Variants in ERCC6L2 observed in about 807,000 individuals in gnomAD.
The protein encoded by ERCC6L2 is ERCC excision repair 6 like 2.
In ERCC6L2, 77 loss-of-function variants were observed where a neutral mutation model predicts 132.0. The observed-to-expected ratio is 0.58, with a 90% CI of 0.49 to 0.71. The LOEUF is 0.71. Ranked by LOEUF, ERCC6L2 falls within the 30% of genes least tolerant of loss-of-function variation. The pLI, the probability that ERCC6L2 is intolerant of heterozygous loss-of-function variation, is 0.00. For synonymous variants in ERCC6L2, 583 were observed against 632.4 expected (o/e 0.92, Z 1.17); for missense variants, 1,542 against 1,837.6 (o/e 0.84, Z 2.94).
intron 3 of ERCC6L2, 143 bp from the exon 4 acceptor site, chr9:95,906,935 G>A (rs1829067839): frequency 1.3e-5 from 8 of 636,524 alleles, no homozygotes; most frequent in South Asian, 2.0e-5. Flanking sequence ...TCCAGATATA[G>A]CTAATCACTC....
chr9:95,891,042 G>A lies in ERCC6L2; in HGVS notation c.472-6807G>A, dbSNP rs1028751710. On this transcript the variant is annotated intron_variant, in intron 2 of 18. Coordinates refer to ENST00000653738, the MANE Select transcript of ERCC6L2 (RefSeq NM_020207.7). The stretch of plus-strand genomic sequence containing the variant: ...AGACTGACCAACATGGAGAAACTCT[G>A]TCTCTACTAAAAATACAAAATTAGC... 3.9e-5 allele frequency among the ~76,000 whole-genome samples: 6 copies of A among 152,160 alleles called. No individual in the cohort carries two copies. The East Asian group carries it at 5.8e-4, about 15-fold the overall frequency.
rs765662135 is a variant in ERCC6L2 at position 95,916,220 on chromosome 9, T to C, written c.951-7T>C. The C allele has an allele frequency of 6.2e-7, 1 of 1,613,008 alleles. No homozygotes were observed. Among genetic ancestry groups the C allele is most frequent in the Non-Finnish European group, 8.5e-7 (1 of 1,179,096 alleles). On this transcript the variant is annotated splice_polypyrimidine_tract_variant and splice_region_variant and intron_variant, in intron 5 of 18. Transcript: ENST00000653738. ...GCCCTTACATTTTTCTTATTGTCTT[T>C]ATAAAGGGCTGTGCCAGGCCTTTTA...
intron 13 of ERCC6L2, among the ~76,000 whole-genome samples, chr9:95,963,241 A>G (rs1831996212): frequency 6.6e-6 from 1 of 151,878 alleles, no homozygotes; most frequent in Admixed American, 6.6e-5. Flanking sequence ...ACCCCCAGTT[A>G]GCTTCACTCA....
chr9:95,975,575 G>C (rs1832633894), intron 16 of ERCC6L2, among the ~76,000 whole-genome samples: 1 of 145,002 alleles, frequency 6.9e-6, no homozygotes, highest in East Asian at 2.0e-4. Flanking sequence ...TGGTTATCCT[G>C]GGTCCATATT....
At chr9:96,018,627 A>T (rs1834232261), downstream of ERCC6L2, among the ~76,000 whole-genome samples, 1 of 116,104 alleles carries the variant, frequency 8.6e-6, no homozygotes, top group African/African-American at 3.3e-5. Context: ...TGCCCGGCTA[A>T]TTTTTGCATT....
downstream of ERCC6L2, chr9:96,021,061 C>T (rs576750101): frequency 2.5e-4 from 112 of 449,432 alleles, no homozygotes; most frequent in Non-Finnish European, 4.4e-4. This position sits in a 1 kb window ranked among gnomAD's most constrained non-coding sequence, Gnocchi z 4.7. Context: ...CTAGGGGGCA[C>T]CGCCTGCGCC....
At chr9:95,890,829 T>C (rs1828120963) in intron 2 of ERCC6L2, among the ~76,000 whole-genome samples, 1 of 152,052 alleles carries the variant, frequency 6.6e-6, no homozygotes, top group East Asian at 1.9e-4. Flanking sequence ...CTACCAGGCC[T>C]GGGTAATTTT....
chr9:95,993,373 G>T (rs1833365970), intron 17 of ERCC6L2, among the ~76,000 whole-genome samples: 1 of 152,194 alleles, frequency 6.6e-6, no homozygotes. Flanking sequence ...TGAACTGAGG[G>T]TATTAGCGAA....
At chr9:96,032,703 G>A (rs952616976) in intron 19 of ERCC6L2, among the ~76,000 whole-genome samples, 1 of 152,226 alleles carries the variant, frequency 6.6e-6, no homozygotes, top group Non-Finnish European at 1.5e-5. Flanking sequence ...GGAGCTGGCA[G>A]AGCTGGAGAG....
At chr9:95,900,988 C>T (rs886539583) in intron 3 of ERCC6L2, among the ~76,000 whole-genome samples, 7 of 151,562 alleles carry the variant, frequency 4.6e-5, no homozygotes, top group Admixed American at 3.9e-4. Flanking sequence ...GTAGTAGGAT[C>T]ACTTGAGCTC....
intron 12 of ERCC6L2, among the ~76,000 whole-genome samples, chr9:95,943,603 A>G (rs1465738231): frequency 1.3e-5 from 2 of 152,164 alleles, no homozygotes; most frequent in African/African-American, 2.4e-5. Context: ...TTCAAATCAC[A>G]TATCTGATAA....
intron 4 of ERCC6L2, among the ~76,000 whole-genome samples, chr9:95,911,671 C>T (rs2132684374): frequency 6.6e-6 from 1 of 152,174 alleles, no homozygotes; most frequent in Non-Finnish European, 1.5e-5. Flanking sequence ...GTGCATTTAT[C>T]ACAGATACTC....
chr9:95,921,725 G>C (rs73656586), intron 7 of ERCC6L2, among the ~76,000 whole-genome samples: 4,041 of 152,220 alleles, frequency 0.027, 200 homozygotes, highest in African/African-American at 0.093. Flanking sequence ...GAGTATCAAA[G>C]AAAGTGTTTT....
intron 4 of ERCC6L2, among the ~76,000 whole-genome samples, chr9:95,908,631 G>C (rs1310992371): frequency 6.6e-6 from 1 of 152,134 alleles, no homozygotes; most frequent in African/African-American, 2.4e-5. Context: ...TCCAGCAGTA[G>C]GCTGGGCCTT....
chr9:96,030,673 G>A (rs977610190), intron 19 of ERCC6L2, among the ~76,000 whole-genome samples: 2 of 141,940 alleles, frequency 1.4e-5, no homozygotes, highest in African/African-American at 5.4e-5. Flanking sequence ...CTGCACTCCA[G>A]CCTGGGCGAC....
intron 18 of ERCC6L2, among the ~76,000 whole-genome samples, chr9:96,009,668 CCT>C (rs1833968696): frequency 6.6e-6 from 1 of 152,194 alleles, no homozygotes; most frequent in Non-Finnish European, 1.5e-5. Flanking sequence ...GCTTATGCCC[CCT>C]GTTTGTACCC....
intron 2 of ERCC6L2, among the ~76,000 whole-genome samples, chr9:95,892,714 C>T (rs191430036): frequency 2.2e-4 from 33 of 152,252 alleles, no homozygotes; most frequent in Admixed American, 6.5e-4. Flanking sequence ...TGAACCACTG[C>T]GCCAAGCCAG....
intron 4 of ERCC6L2, among the ~76,000 whole-genome samples, chr9:95,909,670 A>G (rs1829250340): frequency 6.6e-6 from 1 of 152,162 alleles, no homozygotes; most frequent in Admixed American, 6.6e-5. Flanking sequence ...ATTCCATTTC[A>G]TCAATATTCA....
chr9:95,996,575 G>A (rs1395625320), intron 17 of ERCC6L2, among the ~76,000 whole-genome samples: 2 of 152,220 alleles, frequency 1.3e-5, no homozygotes, highest in East Asian at 1.9e-4. Context: ...TCTTGTTAGG[G>A]ACTAGTGCAG....
Sources: allele counts gnomAD v4.1 joint callset (sites outside exome capture counted in the v4.1 genomes callset), GRCh38; gene constraint gnomAD v4.1.1; non-coding constraint Gnocchi (gnomAD v3.1); transcripts MANE v1.5; gene names NCBI Gene and HGNC (gene_info 2026-07-23, HGNC 2026-07-21).